Variants in UGT1A9 observed in about 807,000 individuals in gnomAD.
The protein encoded by UGT1A9 is UDP glucuronosyltransferase family 1 member A9.
UGT1A9 carries 35 observed loss-of-function variants against 45.0 expected under a neutral mutation model. That is an observed-to-expected ratio of 0.78 (90% CI 0.59 to 1.03). The LOEUF (loss-of-function observed/expected upper bound fraction) is 1.03, where lower values mean the gene tolerates loss of function less well. UGT1A9 is among the 50% of genes least tolerant of loss of function. UGT1A9 has a pLI of 0.00. For synonymous variants in UGT1A9, 278 were observed against 250.6 expected (o/e 1.11, Z -1.03); for missense variants, 687 against 666.6 (o/e 1.03, Z -0.34).
Position 233,740,185 on chromosome 2 carries a change from CCT to C in UGT1A9, c.856-26846_856-26845del, listed in dbSNP as rs573081380. On this transcript the variant is annotated intron_variant, in intron 1 of 4. Transcript: ENST00000354728. ...CATGTGGAACTGTGAGTCAATTAAA[CCT>C]CTTTCTTTTATAAATTACCCAGTCT... Among the ~76,000 whole-genome samples, 45 of 151,974 alleles carry C rather than the reference CCT, an allele frequency of 3.0e-4. 2 individuals are homozygous for C. Among genetic ancestry groups the C allele is most frequent in the African/African-American group, 9.9e-4 (41 of 41,240 alleles).
At chr2:233,729,941 A>T (rs1478646241) in intron 1 of UGT1A9, 1 of 1,613,962 alleles carries the variant, frequency 6.2e-7, no homozygotes, top group African/African-American at 1.3e-5. Flanking sequence ...ATCATGCCCA[A>T]CATGGTCTTC....
intron 1 of UGT1A9, chr2:233,743,145 C>T (rs1174394425): frequency 2.3e-5 from 8 of 355,378 alleles, no homozygotes; most frequent in Admixed American, 7.6e-5. Context: ...AAAAAAAGTC[C>T]GCTATTCCTC....
chr2:233,730,339 G>T (rs954764150), intron 1 of UGT1A9, among the ~76,000 whole-genome samples: 16 of 152,296 alleles, frequency 1.1e-4, no homozygotes, highest in Non-Finnish European at 7.4e-5. Context: ...GTTTGGAACT[G>T]ATCCATCCTG....
chr2:233,675,678 T>C (rs2602381), intron 1 of UGT1A9, among the ~76,000 whole-genome samples: 74,805 of 152,012 alleles, frequency 0.49, 18,911 homozygotes, highest in South Asian at 0.57. Flanking sequence ...CTCAGTGTAA[T>C]GAGCACCCAC....
intron 1 of UGT1A9, among the ~76,000 whole-genome samples, chr2:233,685,318 CCA>C (rs1575434603): frequency 6.6e-6 from 1 of 152,224 alleles, no homozygotes; most frequent in East Asian, 1.9e-4. Context: ...CAGGTGTGAA[CCA>C]CCACACCCGG....
intron 1 of UGT1A9, chr2:233,718,046 C>G (rs534581999): frequency 3.7e-4 from 137 of 366,642 alleles, no homozygotes; most frequent in African/African-American, 2.8e-3. Context: ...AGCAGGAGCT[C>G]CCTGAACCCA....
At chr2:233,743,556 T>A in intron 1 of UGT1A9, 1 of 1,367,030 alleles carries the variant, frequency 7.3e-7, no homozygotes, top group Non-Finnish European at 9.8e-7. Flanking sequence ...CCCAAAATAT[T>A]CTCCAGCGGG....
chr2:233,689,927 G>A (rs547999990), intron 1 of UGT1A9: 14 of 456,506 alleles, frequency 3.1e-5, no homozygotes, highest in South Asian at 7.7e-5. Flanking sequence ...AATTTCCTTC[G>A]AAAGAACCCA....
At chr2:233,722,501 C>T (rs767685172) in intron 1 of UGT1A9, among the ~76,000 whole-genome samples, 36 of 152,106 alleles carry the variant, frequency 2.4e-4, no homozygotes, top group Non-Finnish European at 3.8e-4. Context: ...TTTTCCGTTT[C>T]GTTAATTGCA....
chr2:233,735,402 G>GTC (rs746595831), intron 1 of UGT1A9, among the ~76,000 whole-genome samples: 10 of 152,138 alleles, frequency 6.6e-5, no homozygotes, highest in East Asian at 5.8e-4. Context: ...GCCTATGTGT[G>GTC]TCTCTGCATG....
At chr2:233,713,145 C>A in intron 1 of UGT1A9, 1 of 1,614,224 alleles carries the variant, frequency 6.2e-7, no homozygotes, top group Non-Finnish European at 8.5e-7. Flanking sequence ...GCGGGACCTC[C>A]ATGCGAGAGG....
chr2:233,708,590 G>A (rs7572563), intron 1 of UGT1A9: 87,007 of 151,994 alleles, frequency 0.57, 26,864 homozygotes, highest in African/African-American at 0.82. Flanking sequence ...CTTCACTACA[G>A]AAAGTAAAAA....
intron 1 of UGT1A9, among the ~76,000 whole-genome samples, chr2:233,759,189 C>T (rs938228585): frequency 2.0e-5 from 3 of 152,184 alleles, no homozygotes; most frequent in African/African-American, 7.2e-5. Flanking sequence ...CAAAAAGTTC[C>T]TTCCCAGGTT....
chr2:233,697,896 A>G (rs1200423778), intron 1 of UGT1A9, among the ~76,000 whole-genome samples: 2 of 152,230 alleles, frequency 1.3e-5, no homozygotes, highest in Non-Finnish European at 2.9e-5. Flanking sequence ...ATTGAATCAA[A>G]TCTATTGACT....
rs1466674217 is a variant in UGT1A9, at chr2:233,693,368, T to C, written c.855+20579T>C. The C allele has an allele frequency of 3.7e-6, 6 of 1,614,104 alleles. No homozygotes were observed. In the African/African-American group the frequency reaches 8.0e-5, roughly 22 times the overall value. On this transcript the variant is annotated intron_variant, in intron 1 of 4. Transcript: ENST00000354728. ...GAATAACATGATTGTTATTGGCCTG[T>C]ACTTCATCAACTGCCAGAGCCTCCT...
At chr2:233,764,396 C>G (rs1202361734) in intron 1 of UGT1A9, among the ~76,000 whole-genome samples, 1 of 152,202 alleles carries the variant, frequency 6.6e-6, no homozygotes, top group African/African-American at 2.4e-5. Flanking sequence ...GTGATGACAA[C>G]TTCTCTGCAG....
intron 1 of UGT1A9, chr2:233,728,971 AT>A: frequency 6.7e-7 from 1 of 1,483,170 alleles, no homozygotes; most frequent in Non-Finnish European, 9.0e-7. Flanking sequence ...ACAGTGATAG[AT>A]TAATGGTTAA....
rs770662663 is a variant in UGT1A9, at chr2:233,769,604, A to G, written c.1295+1165A>G. 1.9e-6 allele frequency: 3 copies of G among 1,612,850 alleles called. No homozygotes were observed. In the South Asian group the frequency reaches 3.3e-5, roughly 18 times the overall value. On this transcript the variant is annotated intron_variant, in intron 4 of 4. Transcript: ENST00000354728. The surrounding 1 kb of genome is among the most constrained non-coding windows in gnomAD (Gnocchi z 4.4). ...AGATGAGAGGAGACGGAACACGGGG[A>G]CACACCAGCTTGAGCAAGGGACAAC...
intron 1 of UGT1A9, chr2:233,743,968 T>C (rs1283229468): frequency 3.0e-6 from 4 of 1,327,120 alleles, no homozygotes; most frequent in Non-Finnish European, 4.0e-6. Context: ...GCGGCAAGGC[T>C]GCCAGCACCC....
Sources: gnomAD v4.1 joint callset for allele counts (sites outside exome capture counted in the v4.1 genomes callset) on GRCh38, gnomAD v4.1.1 for gene constraint, Gnocchi (gnomAD v3.1) non-coding constraint, MANE v1.5 for transcripts, NCBI Gene and HGNC (gene_info 2026-07-23, HGNC 2026-07-21) for gene names.